The following GALM variants were observed in gnomAD, a reference collection of about 807,000 sequenced individuals.
GALM encodes the protein aldose 1-epimerase.
GALM carries 43 observed loss-of-function variants against 37.4 expected under a neutral mutation model. The observed-to-expected ratio is 1.15, with a 90% confidence interval of 0.90 to 1.48. GALM has a LOEUF of 1.48. GALM is among the 40% of genes most tolerant of loss of function. The pLI is 0.00. For synonymous variants in GALM, 199 were observed against 170.6 expected, an observed-to-expected ratio of 1.17 and a Z score of -1.30; for missense variants, 456 against 419.1, an observed-to-expected ratio of 1.09 and a Z score of -0.77.
At chr2:38,684,809 T>C (rs192289432) in intron 3 of GALM, among the ~76,000 whole-genome samples, 15 of 151,912 alleles carry the variant, frequency 9.9e-5, no homozygotes, top group African/African-American at 3.6e-4. Context: ...TGTGTTTTTA[T>C]AAACAATAAA....
chr2:38,728,460 G>A (rs576065006), intron 4 of GALM, among the ~76,000 whole-genome samples: 1 of 151,098 alleles, frequency 6.6e-6, no homozygotes, highest in Non-Finnish European at 1.5e-5. Flanking sequence ...ACTTTGGGAG[G>A]CCGAGGTGGG....
At chr2:38,723,002 C>A (rs1176683227) in intron 4 of GALM, among the ~76,000 whole-genome samples, 2 of 152,170 alleles carry the variant, frequency 1.3e-5, no homozygotes, top group Non-Finnish European at 1.5e-5. Flanking sequence ...ATCTTTCATT[C>A]TTCGTCACCA....
Position 38,681,733 on chromosome 2 carries a change from G to C in GALM, c.552+247G>C, listed in dbSNP as rs138934357. Among the ~76,000 whole-genome samples the C allele has an allele frequency of 5.5e-3, 837 of 152,342 alleles. 6 individuals carry two copies. The highest frequency in any genetic ancestry group is 0.018 in the South Asian group (88 of 4,832). ...GTTTGCTTCAGACAAGTAACTAGCT[G>C]TTTCAAGAACTCCCTCTCAGAATCT... On this transcript the variant is annotated intron_variant, in intron 3 of 6. Transcript: ENST00000272252.
rs188171107 is a variant in GALM, at chr2:38,677,220, A to G, written c.345+1154A>G. ...AGGCTGTGCAGGAGTAAATTTCAGT[A>G]GTTAACTTTCTTTTAAATTATACCA... On this transcript the variant is annotated intron_variant, in intron 2 of 6. Coordinates refer to ENST00000272252, the MANE Select transcript of GALM (RefSeq NM_138801.3). Among the ~76,000 whole-genome samples the G allele has an allele frequency of 1.5e-3, 225 of 152,254 alleles. 1 individual carries two copies. The highest frequency in any genetic ancestry group is 5.0e-3 in the African/African-American group (207 of 41,552).
At chr2:38,728,845 A>G (rs1440585034) in intron 4 of GALM, among the ~76,000 whole-genome samples, 1 of 132,402 alleles carries the variant, frequency 7.6e-6, no homozygotes, top group Admixed American at 8.2e-5. Context: ...ACAAGGTTCT[A>G]GCACCTGGCT....
At chr2:38,677,339 C>T (rs1004288206) in intron 2 of GALM, among the ~76,000 whole-genome samples, 1 of 152,144 alleles carries the variant, frequency 6.6e-6, no homozygotes, top group Non-Finnish European at 1.5e-5. Context: ...TCTTCTGCCT[C>T]TAACCACCAC....
chr2:38,686,191 T>C (rs1397668599), intron 3 of GALM, among the ~76,000 whole-genome samples: 1 of 148,598 alleles, frequency 6.7e-6, no homozygotes, highest in Non-Finnish European at 1.5e-5. Context: ...TCTCTAGTGC[T>C]TAAAAAAAAA....
intron 3 of GALM, among the ~76,000 whole-genome samples, chr2:38,686,219 A>AATTT (rs1665515449): frequency 9.9e-5 from 9 of 90,472 alleles, no homozygotes; most frequent in East Asian, 7.6e-4. Flanking sequence ...AGAAAGTGGA[A>AATTT]ATTTCTTTCT....
chr2:38,695,989 A>G (rs1255186607), intron 4 of GALM, among the ~76,000 whole-genome samples: 1 of 150,794 alleles, frequency 6.6e-6, no homozygotes, highest in Non-Finnish European at 1.5e-5. Context: ...GTGAGCCACC[A>G]CACCCCGCCT....
chr2:38,720,467 A>G (rs980158070), intron 4 of GALM, among the ~76,000 whole-genome samples: 1 of 147,434 alleles, frequency 6.8e-6, no homozygotes, highest in Non-Finnish European at 1.5e-5. Context: ...AGGAGGAGCC[A>G]GGGAGGAAAA....
chr2:38,722,692 C>T (rs1038438760), intron 4 of GALM, among the ~76,000 whole-genome samples: 6 of 152,180 alleles, frequency 3.9e-5, no homozygotes, highest in Non-Finnish European at 8.8e-5. Context: ...TTTGACAGCT[C>T]CTTCTATTCT....
chr2:38,709,635 A>T (rs1666110557), intron 4 of GALM, among the ~76,000 whole-genome samples: 1 of 152,160 alleles, frequency 6.6e-6, no homozygotes, highest in African/African-American at 2.4e-5. Flanking sequence ...AAAGGGAAAA[A>T]AACCTGCAGC....
intron 3 of GALM, 125 bp from the exon 4 acceptor site, chr2:38,689,688 C>T: frequency 1.6e-6 from 1 of 641,060 alleles, no homozygotes; most frequent in East Asian, 2.6e-5. Context: ...TAATCATGAC[C>T]ATCAGCCAAA....
chr2:38,674,770 A>G (rs1558577187), intron 1 of GALM, among the ~76,000 whole-genome samples: 1 of 152,228 alleles, frequency 6.6e-6, no homozygotes, highest in African/African-American at 2.4e-5. Context: ...GAGATTACAA[A>G]GCAGTGTTAT....
chr2:38,687,044 C>T (rs1665554464), intron 3 of GALM, among the ~76,000 whole-genome samples: 1 of 152,164 alleles, frequency 6.6e-6, no homozygotes, highest in African/African-American at 2.4e-5. Flanking sequence ...ACCTTCACAC[C>T]CCTTGTCTCG....
chr2:38,679,917 A>G (rs375691397), intron 2 of GALM: 197 of 386,418 alleles, frequency 5.1e-4, no homozygotes, highest in Admixed American at 1.1e-3. Flanking sequence ...TCCCTTCCCT[A>G]TAAGTGTAAT....
intron 4 of GALM, among the ~76,000 whole-genome samples, chr2:38,697,423 C>T (rs1373509801): frequency 6.6e-6 from 1 of 152,126 alleles, no homozygotes; most frequent in East Asian, 1.9e-4. Flanking sequence ...CCTTTTGTGG[C>T]TATTAATTTA....
intron 4 of GALM, among the ~76,000 whole-genome samples, chr2:38,722,066 G>T (rs899088634): frequency 2.7e-5 from 2 of 73,222 alleles, no homozygotes; most frequent in African/African-American, 5.6e-5. Context: ...TAGAACAGAA[G>T]CGCATCATGC....
chr2:38,684,649 T>A (rs1221279533), intron 3 of GALM, among the ~76,000 whole-genome samples: 4 of 152,002 alleles, frequency 2.6e-5, no homozygotes, highest in African/African-American at 9.7e-5. Context: ...CCACTAAAAA[T>A]ACAAAAAATT....
Sources: allele counts gnomAD v4.1 joint callset (sites outside exome capture counted in the v4.1 genomes callset), GRCh38; gene constraint gnomAD v4.1.1; transcripts MANE v1.5; gene names NCBI Gene and HGNC (gene_info 2026-07-23, HGNC 2026-07-21).